Variants in NEK4 observed in about 807,000 individuals in gnomAD.
NEK4 encodes the protein NIMA related kinase 4, also known as serine/threonine-protein kinase Nek4.
In NEK4, 86 loss-of-function variants were observed where a neutral mutation model predicts 98.4. The observed-to-expected ratio is 0.87, with a 90% CI of 0.73 to 1.05. The LOEUF (loss-of-function observed/expected upper bound fraction) is 1.05. Among genes scored for constraint, NEK4 ranks in the 50% least tolerant of loss-of-function variants. NEK4 has a pLI of 0.00. For synonymous variants in NEK4, 328 were observed against 342.2 expected, an observed-to-expected ratio of 0.96 and a Z score of 0.46; for missense variants, 898 against 950.3, an observed-to-expected ratio of 0.94 and a Z score of 0.72.
Position 52,737,685 on chromosome 3 carries a change from T to A in NEK4, c.2334A>T (p.Leu778=). 2 of 1,613,922 alleles carry A rather than the reference T, an allele frequency of 1.2e-6. No individual in the cohort carries two copies. Among genetic ancestry groups the A allele is most frequent in the Non-Finnish European group, 1.7e-6 (2 of 1,179,800 alleles). Residue 778 remains leucine, a synonymous_variant, in exon 15 of 16, where the codon CTA becomes CTT. Coordinates refer to ENST00000233027, the MANE Select transcript of NEK4 (RefSeq NM_003157.6). The part of the protein sequence containing the change: ...IMPGSEKIRR[L]VEVLRTDVIR... ...TTACATCAGTTCTCAAGACTTCAAC[T>A]AGTCTCCTGATCTTTTCAGAACCTG...
intron 15 of NEK4, chr3:52,733,418 C>T (rs1226149222): frequency 2.6e-6 from 1 of 383,210 alleles, no homozygotes; most frequent in Non-Finnish European, 5.1e-6. Flanking sequence ...TAGCGCCCAT[C>T]TTGTAATCCA....
Position 52,743,413 on chromosome 3 carries a change from G to T in NEK4, c.1943C>A (p.Pro648His). The T allele has an allele frequency of 6.2e-7, 1 of 1,614,116 alleles. No homozygotes were observed. Among genetic ancestry groups the T allele is most frequent in the Non-Finnish European group, 8.5e-7 (1 of 1,180,018 alleles). Residue 648 changes from proline (P) to histidine (H), a missense_variant, in exon 12 of 16, where the codon CCC becomes CAC. Transcript: ENST00000233027. ...AGGCAAGGGCTGGTCTTCTTCCTGG[G>T]GTTTTCCTGGCCCTGCTACACTCAG... The part of the protein sequence containing the change: ...ASLSVAGPGK[P>H]QEEDQPLPAR...
chr3:52,753,731 A>G (rs1206701423), intron 6 of NEK4: 5 of 564,128 alleles, frequency 8.9e-6, no homozygotes, highest in Non-Finnish European at 1.8e-5. Context: ...TGCTTCCTAC[A>G]GACTCGTCCA....
At chr3:52,717,518 T>C (rs7624716) in intron 15 of NEK4, among the ~76,000 whole-genome samples, 69,351 of 151,762 alleles carry the variant, frequency 0.46, 16,166 homozygotes, top group Admixed American at 0.52. Flanking sequence ...GCCAAGAAGA[T>C]GAGAGGCTAC....
intron 15 of NEK4, among the ~76,000 whole-genome samples, chr3:52,721,295 C>G (rs772276389): frequency 3.2e-4 from 48 of 152,336 alleles, no homozygotes; most frequent in Admixed American, 1.0e-3. Flanking sequence ...ATGTTGCAAC[C>G]ATCACTGACA....
chr3:52,744,903 T>C (rs1414119148), intron 10 of NEK4, among the ~76,000 whole-genome samples: 1 of 151,880 alleles, frequency 6.6e-6, no homozygotes, highest in East Asian at 2.0e-4. Context: ...ACATTTGCCA[T>C]ATTCGGAATC....
chr3:52,760,976 T>C (rs1349250670), intron 5 of NEK4, 40 bp from the exon 6 acceptor site: 1 of 1,370,622 alleles, frequency 7.3e-7, no homozygotes, highest in African/African-American at 1.5e-5. Context: ...ATCAATATAC[T>C]GAAGATTAAG....
chr3:52,762,680 A>T (rs957586354), intron 5 of NEK4, among the ~76,000 whole-genome samples: 4 of 152,218 alleles, frequency 2.6e-5, no homozygotes, highest in African/African-American at 9.6e-5. Context: ...CGGGAGTTCA[A>T]GACCAGCCTG....
intron 6 of NEK4, among the ~76,000 whole-genome samples, chr3:52,756,463 G>A (rs939714097): frequency 1.9e-4 from 29 of 152,278 alleles, no homozygotes; most frequent in East Asian, 1.3e-3. Context: ...ATATGTGGTC[G>A]AATGATTTTT....
At chr3:52,769,357 G>A (rs1698697520) in intron 1 of NEK4, among the ~76,000 whole-genome samples, 1 of 152,158 alleles carries the variant, frequency 6.6e-6, no homozygotes. Flanking sequence ...GGGATCCATG[G>A]CCCCATAAGT....
intron 6 of NEK4, chr3:52,754,053 C>T (rs1403911340): frequency 4.0e-6 from 1 of 253,032 alleles, no homozygotes; most frequent in African/African-American, 2.3e-5. Flanking sequence ...ATCCCAGCTA[C>T]TTAGGAGGCT....
intron 12 of NEK4, among the ~76,000 whole-genome samples, chr3:52,742,735 A>G (rs1038587083): frequency 5.9e-5 from 9 of 152,200 alleles, no homozygotes; most frequent in African/African-American, 2.2e-4. Flanking sequence ...CAGCAGATTG[A>G]GCAAAGTGCT....
At chr3:52,743,503 G>T in intron 11 of NEK4, 42 bp from the exon 12 acceptor site, 3 of 1,508,134 alleles carry the variant, frequency 2.0e-6, no homozygotes, top group Non-Finnish European at 1.8e-6. Flanking sequence ...GTGGTGGGCT[G>T]CCCCAGTTGA....
chr3:52,742,546 T>C (rs1442927209), intron 12 of NEK4, among the ~76,000 whole-genome samples: 3 of 151,964 alleles, frequency 2.0e-5, no homozygotes, highest in Non-Finnish European at 4.4e-5. Flanking sequence ...ATTCCCAGAG[T>C]ATTATACAGA....
chr3:52,743,489 G>T, intron 11 of NEK4, 28 bp from the exon 12 acceptor site: 1 of 1,565,078 alleles, frequency 6.4e-7, no homozygotes, highest in Non-Finnish European at 8.8e-7. Context: ...CCCAGTAGTT[G>T]TTTGTGGTGG....
chr3:52,767,029 T>C (rs1160928327), intron 2 of NEK4, among the ~76,000 whole-genome samples: 1 of 150,276 alleles, frequency 6.7e-6, no homozygotes, highest in African/African-American at 2.4e-5. Context: ...CCAGGCGCAG[T>C]GTTCAGCAGT....
At chr3:52,712,903 G>A (rs4687645) in intron 15 of NEK4, among the ~76,000 whole-genome samples, 4,569 of 152,168 alleles carry the variant, frequency 0.03, 543 homozygotes, top group East Asian at 0.21. Context: ...GAGGGTCTCC[G>A]GGGTTTTTAT....
chr3:52,739,200 T>C (rs575413682), intron 14 of NEK4, among the ~76,000 whole-genome samples: 117 of 152,132 alleles, frequency 7.7e-4, no homozygotes, highest in African/African-American at 2.6e-3. Context: ...AGGAGTTCAA[T>C]ACCAGCCTGG....
intron 14 of NEK4, among the ~76,000 whole-genome samples, chr3:52,738,125 T>G: frequency 6.6e-6 from 1 of 151,984 alleles, no homozygotes; most frequent in East Asian, 1.9e-4. Flanking sequence ...TTTTTTTTTT[T>G]TAAGTGACAG....
Sources: allele counts gnomAD v4.1 joint callset (sites outside exome capture counted in the v4.1 genomes callset), GRCh38; gene constraint gnomAD v4.1.1; transcripts MANE v1.5; gene names NCBI Gene and HGNC (gene_info 2026-07-23, HGNC 2026-07-21).